RNF150: variants seen among roughly 807,000 people sequenced by gnomAD.
RNF150 encodes ring finger protein 150.
A neutral mutation model predicts 39.3 loss-of-function variants in RNF150; 24 were observed. The ratio of observed to expected loss-of-function variants is 0.61; its 90% CI spans 0.44 to 0.86. The LOEUF (loss-of-function observed/expected upper bound fraction) is 0.86. Among genes scored for constraint, RNF150 ranks in the 40% least tolerant of loss-of-function variants. RNF150 has a pLI of 0.00. For missense variants in RNF150, 502 were observed against 587.8 expected (o/e 0.85, Z 1.51); for synonymous variants, 255 against 227.3 (o/e 1.12, Z -1.10).
At chr4:141,120,773 G>A (rs755093568) in intron 1 of RNF150, among the ~76,000 whole-genome samples, 11 of 152,178 alleles carry the variant, frequency 7.2e-5, no homozygotes, top group Non-Finnish European at 1.3e-4. Flanking sequence ...AACCACGGAA[G>A]AGGGCCCTGA....
intron 1 of RNF150, among the ~76,000 whole-genome samples, chr4:141,155,953 A>G (rs1225292108): frequency 6.6e-6 from 1 of 152,048 alleles, no homozygotes; most frequent in Non-Finnish European, 1.5e-5. Context: ...GGAGGAGGAA[A>G]AAGTAGGTGA....
intron 1 of RNF150, among the ~76,000 whole-genome samples, chr4:140,993,519 C>A (rs952565703): frequency 3.3e-5 from 5 of 152,192 alleles, no homozygotes; most frequent in African/African-American, 1.2e-4. Flanking sequence ...AAAGTAGCAG[C>A]GAGAGACATT....
intron 1 of RNF150, among the ~76,000 whole-genome samples, chr4:140,983,697 T>G (rs1733931753): frequency 6.6e-6 from 1 of 151,784 alleles, no homozygotes; most frequent in African/African-American, 2.4e-5. Context: ...AAGTCTTTTT[T>G]CCTTTGGAGA....
At chr4:141,120,678 G>A (rs927423638) in intron 1 of RNF150, among the ~76,000 whole-genome samples, 6 of 152,152 alleles carry the variant, frequency 3.9e-5, no homozygotes, top group Admixed American at 2.6e-4. Context: ...GAGCATTTGA[G>A]GACCAGCAAG....
In RNF150 at chr4:140,903,474, C is replaced by A. The variant is rs949653535; in HGVS notation, c.1198+7670G>T. The stretch of plus-strand genomic sequence containing the variant: ...ATCGAAATGCAAACACAAATGTTAT[C>A]TTATTTACACGAGACCCTCCTCAGA... On this transcript the variant is annotated intron_variant, in intron 6 of 6. Transcript: ENST00000515673. 2.0e-5 allele frequency among the ~76,000 whole-genome samples: 3 copies of A among 152,124 alleles called. No individual in the cohort carries two copies. The South Asian group carries it at 6.2e-4, about 32-fold the overall frequency.
chr4:140,923,705 A>G (rs1018539369), intron 5 of RNF150, among the ~76,000 whole-genome samples: 1 of 152,228 alleles, frequency 6.6e-6, no homozygotes, highest in Non-Finnish European at 1.5e-5. Context: ...ACAATAGCAA[A>G]GATTTGGAAC....
upstream of RNF150, among the ~76,000 whole-genome samples, chr4:141,138,249 A>G (rs1727057997): frequency 6.6e-6 from 1 of 152,176 alleles, no homozygotes; most frequent in Non-Finnish European, 1.5e-5. Context: ...AAGATTCAAC[A>G]TACAGGGTTT....
At chr4:140,979,396 G>C (rs1733779678) in intron 1 of RNF150, among the ~76,000 whole-genome samples, 1 of 152,060 alleles carries the variant, frequency 6.6e-6, no homozygotes, top group Non-Finnish European at 1.5e-5. Context: ...GACTTTGGAA[G>C]ACTTATTAAA....
chr4:141,180,451 C>A (rs1226930054), intron 1 of RNF150, among the ~76,000 whole-genome samples: 2 of 152,176 alleles, frequency 1.3e-5, no homozygotes, highest in East Asian at 1.9e-4. Context: ...GGTTTTCCAA[C>A]CCTTCTGTCT....
chr4:141,072,688 G>C (rs543638203), intron 1 of RNF150, among the ~76,000 whole-genome samples: 2 of 151,992 alleles, frequency 1.3e-5, no homozygotes, highest in Non-Finnish European at 2.9e-5. Flanking sequence ...AACATAGACA[G>C]GTAGATGTGA....
chr4:141,157,969 A>C (rs1319648285), intron 1 of RNF150, among the ~76,000 whole-genome samples: 3 of 152,132 alleles, frequency 2.0e-5, no homozygotes, highest in Admixed American at 2.0e-4. Flanking sequence ...AACTCTATAC[A>C]TATTTGTTAG....
chr4:140,919,524 A>G (rs1420907537), intron 5 of RNF150, among the ~76,000 whole-genome samples: 7 of 151,246 alleles, frequency 4.6e-5, no homozygotes, highest in Admixed American at 2.0e-4. Context: ...CCACCCCTCA[A>G]TGAAATAAAA....
At chr4:140,872,707 T>G (rs190878890) in intron 6 of RNF150, among the ~76,000 whole-genome samples, 10 of 152,328 alleles carry the variant, frequency 6.6e-5, no homozygotes, top group Admixed American at 5.9e-4. Flanking sequence ...AAAATTCCCA[T>G]GTTTTTCGAG....
chr4:140,955,200 G>A (rs545326302), intron 2 of RNF150, among the ~76,000 whole-genome samples: 1 of 152,256 alleles, frequency 6.6e-6, no homozygotes, highest in East Asian at 1.9e-4. Flanking sequence ...AAATTTCCAT[G>A]GTGTGGATCA....
At chr4:141,189,115 G>GT (rs2111199475) in intron 1 of RNF150, among the ~76,000 whole-genome samples, 1 of 152,304 alleles carries the variant, frequency 6.6e-6, no homozygotes, top group African/African-American at 2.4e-5. Context: ...CTGTTTGTTA[G>GT]TTTTCATTCT....
At chr4:140,868,460 T>C (rs1728802025) in intron 6 of RNF150, 81 bp from the exon 7 acceptor site, 1 of 813,748 alleles carries the variant, frequency 1.2e-6, no homozygotes, top group South Asian at 1.5e-5. Flanking sequence ...TTGCTTGTAA[T>C]AACATTTCTT....
At chr4:141,150,705 A>G (rs1727282619) in intron 1 of RNF150, among the ~76,000 whole-genome samples, 1 of 152,150 alleles carries the variant, frequency 6.6e-6, no homozygotes, top group African/African-American at 2.4e-5. Flanking sequence ...ATCTCCATTT[A>G]ACATAGTATA....
chr4:141,180,507 T>C (rs1016095665), intron 1 of RNF150, among the ~76,000 whole-genome samples: 1 of 152,160 alleles, frequency 6.6e-6, no homozygotes, highest in African/African-American at 2.4e-5. Context: ...GTTTTTTGAA[T>C]AGGTACAAAA....
chr4:141,145,706 A>G (rs1253876509), intron 1 of RNF150, among the ~76,000 whole-genome samples: 1 of 152,212 alleles, frequency 6.6e-6, no homozygotes, highest in African/African-American at 2.4e-5. Flanking sequence ...TCATTTTTGG[A>G]TGTATAAACC....
Sources: allele counts gnomAD v4.1 joint callset (sites outside exome capture counted in the v4.1 genomes callset), GRCh38; gene constraint gnomAD v4.1.1; transcripts MANE v1.5; gene names NCBI Gene and HGNC (gene_info 2026-07-23, HGNC 2026-07-21).